Variants in TMEM50A observed in about 807,000 individuals in gnomAD.
The protein encoded by TMEM50A is transmembrane protein 50A.
TMEM50A carries 8 observed loss-of-function variants against 23.9 expected under a neutral mutation model. The observed-to-expected ratio is 0.33, with a 90% CI of 0.20 to 0.60. The LOEUF (loss-of-function observed/expected upper bound fraction) is 0.60. TMEM50A is among the 20% of genes least tolerant of loss of function. The pLI is 0.81. For synonymous variants in TMEM50A, 55 were observed against 60.4 expected, an observed-to-expected ratio of 0.91 and a Z score of 0.41; for missense variants, 178 against 192.7, an observed-to-expected ratio of 0.92 and a Z score of 0.45.
At position 25,361,720 on chromosome 1, in the gene TMEM50A, T is replaced by A. The variant is rs1428410285; in HGVS notation, c.*1015T>A. 6.6e-6 allele frequency: 1 copy of A among 152,492 alleles called. No homozygotes were observed. The highest frequency in any genetic ancestry group is 1.5e-5 in the Non-Finnish European group (1 of 68,268). 9.4% of individuals were successfully genotyped at this position (152,492 alleles called of 1,614,324 possible). A position where few individuals can be genotyped will look rare whatever the true frequency, so the allele number is the denominator to read the frequency against. On this transcript the variant is annotated 3_prime_UTR_variant, in exon 7 of 7. Transcript: ENST00000374358. ...TGCTACAATTAGCCTTCGGAATATT[T>A]GCTGGGTGATTTAAATGTGTGGGTC...
At position 25,341,509 on chromosome 1, in the gene TMEM50A, G is replaced by A. The variant is rs536025439; in HGVS notation, c.93+930G>A. ...GATCCGCCTGCCTCGGCCTTGCAAA[G>A]TGCTGGAATTACAGGTGTGAGCCAC... On this transcript the variant is annotated intron_variant, in intron 2 of 6. Transcript: ENST00000374358. Among the ~76,000 whole-genome samples the A allele has an allele frequency of 2.1e-3, 318 of 152,192 alleles. 1 individual carries two copies. The highest frequency in any genetic ancestry group is 7.0e-3 in the African/African-American group (290 of 41,522).
intron 3 of TMEM50A, among the ~76,000 whole-genome samples, chr1:25,345,794 A>T (rs567424798): frequency 2.5e-4 from 36 of 146,438 alleles, no homozygotes; most frequent in East Asian, 6.0e-4. Context: ...TTATTTATTT[A>T]TTTTTTTTTT....
chr1:25,361,293 CCT>C lies in TMEM50A; in HGVS notation c.*589_*590del. On this transcript the variant is annotated 3_prime_UTR_variant, in exon 7 of 7. Transcript: ENST00000374358. ...GCACCATGGTCCAGCCACCAGGCTC[CCT>C]GTGTCCCTTCCATGGGAAGGTCTTC... 1 of 152,800 alleles carries C rather than the reference CCT, an allele frequency of 6.5e-6. No homozygotes were observed. The highest frequency in any genetic ancestry group is 1.9e-4 in the East Asian group (1 of 5,196). The allele number at this position is 152,800 out of a possible 1,614,324, so 9.5% of individuals were successfully genotyped here.
Position 25,362,224 on chromosome 1 carries a change from GAGAA to G in TMEM50A, c.*1524_*1527del. On this transcript the variant is annotated 3_prime_UTR_variant, in exon 7 of 7. Coordinates refer to ENST00000374358, the MANE Select transcript of TMEM50A (RefSeq NM_014313.4). ...CTGAGTAGCATGCTTTATTAAGCAT[GAGAA>G]AGAATCTTAAGAATTGTCAATAAAA... 1 of 567,122 alleles carries G rather than the reference GAGAA, an allele frequency of 1.8e-6. No individual in the cohort carries two copies. Among genetic ancestry groups the G allele is most frequent in the Non-Finnish European group, 3.1e-6 (1 of 326,632 alleles). 35.1% of individuals were successfully genotyped at this position (567,122 alleles called of 1,614,324 possible).
intron 3 of TMEM50A, among the ~76,000 whole-genome samples, chr1:25,349,298 G>A (rs1281107133): frequency 6.6e-6 from 1 of 152,176 alleles, no homozygotes; most frequent in Non-Finnish European, 1.5e-5. Context: ...AATAATCATA[G>A]CAGAGAACAA....
intron 3 of TMEM50A, among the ~76,000 whole-genome samples, chr1:25,348,228 A>G (rs1378487497): frequency 6.6e-6 from 1 of 152,238 alleles, no homozygotes; most frequent in African/African-American, 2.4e-5. Context: ...ATTTTAAACA[A>G]AAACTGTTAG....
Position 25,356,890 on chromosome 1 carries a change from T to G in TMEM50A, c.428+37T>G, listed in dbSNP as rs145206735. ...TTGCATTCTTTATGTTTGTTTGTTT[T>G]TTTTTAAAATAGCTTCTTTTATATC... On this transcript the variant is annotated intron_variant, in intron 6 of 6. Coordinates refer to ENST00000374358, the MANE Select transcript of TMEM50A (RefSeq NM_014313.4). 1,419 of 1,461,954 alleles carry G rather than the reference T, an allele frequency of 9.7e-4. 3 individuals carry two copies. Among genetic ancestry groups the G allele is most frequent in the Non-Finnish European group, 1.2e-3 (1,231 of 1,069,784 alleles). The allele number at this position is 1,461,954 out of a possible 1,614,324, so 90.6% of individuals were successfully genotyped here.
chr1:25,357,541 G>GTGTGTGTGTGTGTGTGTGTGTGT (rs1645345551), intron 6 of TMEM50A, among the ~76,000 whole-genome samples: 1 of 148,898 alleles, frequency 6.7e-6, no homozygotes, highest in African/African-American at 2.5e-5. Flanking sequence ...GTGTGTGTGT[G>GTGTGTGTGTGTGTGTGTGTGTGT]TGTGTGTGTG....
Position 25,362,281 on chromosome 1 carries a change from G to A in TMEM50A, c.*1576G>A. 1.2e-6 allele frequency: 1 copy of A among 842,552 alleles called. No homozygotes were observed. The allele number at this position is 842,552 out of a possible 1,614,324, so 52.2% of individuals were successfully genotyped here. A position where few individuals can be genotyped will look rare whatever the true frequency, so the allele number is the denominator to read the frequency against. ...AACCCAAAACTTTAATAATGTGTCT[G>A]TAACCAAGAAAATATTGATAGCATC... is the stretch of plus-strand genomic sequence containing the variant. On this transcript the variant is annotated 3_prime_UTR_variant, in exon 7 of 7. Coordinates refer to ENST00000374358, the MANE Select transcript of TMEM50A (RefSeq NM_014313.4).
chr1:25,352,858 T>G lies in TMEM50A; in HGVS notation c.275-24T>G, dbSNP rs919065342. The G allele has an allele frequency of 5.0e-6, 8 of 1,605,864 alleles. No individual in the cohort carries two copies. In the African/African-American group the frequency reaches 9.4e-5, roughly 19 times the overall value. Reference sequence around the variant, plus strand: ...TGTACTGCCCTATAAGAAAGAATTCTGGTAAAATATTATTTCTTTGAAGGT... The same window carrying G: ...TGTACTGCCCTATAAGAAAGAATTCGGGTAAAATATTATTTCTTTGAAGGT... On this transcript the variant is annotated intron_variant, in intron 4 of 6. Transcript: ENST00000374358.
intron 3 of TMEM50A, among the ~76,000 whole-genome samples, chr1:25,348,793 T>C (rs896534176): frequency 6.6e-6 from 1 of 152,242 alleles, no homozygotes; most frequent in African/African-American, 2.4e-5. Flanking sequence ...TTCTGTTTTC[T>C]CTTTCTCTAA....
At chr1:25,340,450 A>G (rs1557582657) in intron 1 of TMEM50A, 24 bp from the exon 2 acceptor site, 2 of 1,530,824 alleles carry the variant, frequency 1.3e-6, no homozygotes, top group South Asian at 1.1e-5. Context: ...TACTTATTTA[A>G]TTGTTTGTTT....
chr1:25,347,300 A>T (rs994563811), intron 3 of TMEM50A, among the ~76,000 whole-genome samples: 10 of 150,932 alleles, frequency 6.6e-5, no homozygotes, highest in Non-Finnish European at 1.5e-4. Flanking sequence ...CAGTGGCATG[A>T]TCTCGGTTCA....
rs1281808131 is a variant in TMEM50A at position 25,361,266 on chromosome 1, A to C, written c.*561A>C. 2.6e-5 allele frequency: 4 copies of C among 153,002 alleles called. No individual in the cohort carries two copies. The highest frequency in any genetic ancestry group is 9.7e-5 in the African/African-American group (4 of 41,424). 9.5% of individuals were successfully genotyped at this position (153,002 alleles called of 1,614,324 possible). A position where few individuals can be genotyped will look rare whatever the true frequency, so the allele number is the denominator to read the frequency against. ...GGTGAGTGGACGTGTTGGAAGAGAG[A>C]AGCACCATGGTCCAGCCACCAGGCT... On this transcript the variant is annotated 3_prime_UTR_variant, in exon 7 of 7. Coordinates refer to ENST00000374358, the MANE Select transcript of TMEM50A (RefSeq NM_014313.4).
At chr1:25,347,687 A>C (rs1269136986) in intron 3 of TMEM50A, among the ~76,000 whole-genome samples, 1 of 152,262 alleles carries the variant, frequency 6.6e-6, no homozygotes, top group Non-Finnish European at 1.5e-5. Context: ...CAAGTGGCTA[A>C]GGGCAGCCAG....
chr1:25,358,903 T>C (rs1170973113), intron 6 of TMEM50A, among the ~76,000 whole-genome samples: 2 of 152,216 alleles, frequency 1.3e-5, no homozygotes, highest in Non-Finnish European at 2.9e-5. Flanking sequence ...TACAGGCGCA[T>C]GCCACCATGC....
At position 25,360,865 on chromosome 1, in the gene TMEM50A, C is replaced by A; in HGVS notation, c.*160C>A. ...TAAAATCACGAGAACACCTAAACAA[C>A]AACCAAAAATCTATTGTGGTATGCA... On this transcript the variant is annotated 3_prime_UTR_variant, in exon 7 of 7. Transcript: ENST00000374358. The A allele has an allele frequency of 1.6e-6, 1 of 628,950 alleles. No individual in the cohort carries two copies. The allele number at this position is 628,950 out of a possible 1,614,324, so 39.0% of individuals were successfully genotyped here.
chr1:25,354,148 G>A (rs1011535870), intron 5 of TMEM50A, among the ~76,000 whole-genome samples: 6 of 151,898 alleles, frequency 4.0e-5, no homozygotes, highest in Admixed American at 6.6e-5. Flanking sequence ...ATGCCACCAC[G>A]CCCTGCTAGT....
intron 6 of TMEM50A, among the ~76,000 whole-genome samples, chr1:25,357,579 G>T (rs1189213362): frequency 7.1e-6 from 1 of 141,738 alleles, no homozygotes; most frequent in African/African-American, 2.7e-5. Context: ...TGTGTGTGTT[G>T]TTTTGAGACA....
Sources: allele counts gnomAD v4.1 joint callset (sites outside exome capture counted in the v4.1 genomes callset), GRCh38; gene constraint gnomAD v4.1.1; transcripts MANE v1.5; gene names NCBI Gene and HGNC (gene_info 2026-07-23, HGNC 2026-07-21).